SLC27A1: variants seen among roughly 807,000 people sequenced by gnomAD.
The protein encoded by SLC27A1 is long-chain fatty acid transport protein 1.
A neutral mutation model predicts 62.2 loss-of-function variants in SLC27A1; 61 were observed. The observed-to-expected ratio is 0.98, with a 90% CI of 0.80 to 1.21. The LOEUF (loss-of-function observed/expected upper bound fraction) is 1.21. Among genes scored for constraint, SLC27A1 ranks in the 50% most tolerant of loss-of-function variants. SLC27A1 has a pLI of 0.00. For missense variants in SLC27A1, 903 were observed against 932.1 expected, an observed-to-expected ratio of 0.97 and a Z score of 0.41; for synonymous variants, 435 against 408.6, an observed-to-expected ratio of 1.06 and a Z score of -0.78.
At chr19:17,489,163 G>C in intron 6 of SLC27A1, 46 bp downstream of exon 6, 2 of 1,525,054 alleles carry the variant, frequency 1.3e-6, no homozygotes, top group Non-Finnish European at 1.8e-6. Context: ...CTCCCAGCCA[G>C]GCCTCACCCC....
At position 17,486,474 on chromosome 19, in the gene SLC27A1, C is replaced by T. The variant is rs1220704373; in HGVS notation, c.168-89C>T. On this transcript the variant is annotated intron_variant, in intron 1 of 11. Coordinates refer to ENST00000252595, the MANE Select transcript of SLC27A1 (RefSeq NM_198580.3). The surrounding 1 kb of genome is among the most constrained non-coding windows in gnomAD (Gnocchi z 6.6). ...GACCTCATCAAAGCCCCTGGCTGCC[C>T]TGGGGTCCTCCAGCGGGGAGGCTGA... The T allele has an allele frequency of 1.4e-6, 2 of 1,437,402 alleles. No homozygotes were observed. The highest frequency in any genetic ancestry group is 1.8e-6 in the Non-Finnish European group (2 of 1,086,336). The allele number at this position is 1,437,402 out of a possible 1,614,324, so 89.0% of individuals were successfully genotyped here.
chr19:17,473,624 G>A (rs2144540367), intron 1 of SLC27A1, among the ~76,000 whole-genome samples: 1 of 152,326 alleles, frequency 6.6e-6, no homozygotes, highest in Middle Eastern at 3.4e-3. Context: ...CACTTTGGGA[G>A]GCCGAAGCGG....
At chr19:17,487,135 G>C in intron 2 of SLC27A1, 39 bp from the exon 3 acceptor site, 1 of 1,613,080 alleles carries the variant, frequency 6.2e-7, no homozygotes, top group South Asian at 1.1e-5. Flanking sequence ...GAGGGGGCCT[G>C]TCCGGCGGTG....
At chr19:17,493,445 A>C (rs1568419957) in intron 6 of SLC27A1, among the ~76,000 whole-genome samples, 1 of 151,582 alleles carries the variant, frequency 6.6e-6, no homozygotes, top group South Asian at 2.1e-4. Flanking sequence ...AAAAAAAAAA[A>C]AAAACAGGAC....
At chr19:17,500,245 C>G in intron 7 of SLC27A1, 33 bp from the exon 8 acceptor site, 2 of 1,606,272 alleles carry the variant, frequency 1.2e-6, no homozygotes, top group African/African-American at 2.7e-5. Context: ...CGCATATCCC[C>G]GGCTCCTTCC....
rs2075456596 is a variant in SLC27A1 at position 17,504,636 on chromosome 19, ACT to A, written c.*27_*28del. The A allele has an allele frequency of 6.2e-7, 1 of 1,613,296 alleles. No homozygotes were observed. The highest frequency in any genetic ancestry group is 8.5e-7 in the Non-Finnish European group (1 of 1,179,772). On this transcript the variant is annotated 3_prime_UTR_variant, in exon 12 of 12. Transcript: ENST00000252595. Reference sequence around the variant, plus strand: ...GAAGCTGTTCCTCTACTGGCCACAAACTCTGGGCCTGGTGGGAGAGGCCAGCT... The same window carrying A: ...GAAGCTGTTCCTCTACTGGCCACAAACTGGGCCTGGTGGGAGAGGCCAGCT...
intron 1 of SLC27A1, among the ~76,000 whole-genome samples, chr19:17,477,234 GCA>G (rs1256957028): frequency 5.3e-5 from 5 of 94,996 alleles, no homozygotes; most frequent in African/African-American, 1.8e-4. Context: ...GAATGGATGA[GCA>G]GCGCTTTTTT....
chr19:17,474,712 C>T (rs1266244252), intron 1 of SLC27A1, among the ~76,000 whole-genome samples: 1 of 150,696 alleles, frequency 6.6e-6, no homozygotes, highest in African/African-American at 2.4e-5. Flanking sequence ...CTCACCGCAA[C>T]CTCCGCCTCC....
At chr19:17,472,761 A>G (rs1368569352) in intron 1 of SLC27A1, among the ~76,000 whole-genome samples, 1 of 152,042 alleles carries the variant, frequency 6.6e-6, no homozygotes, top group East Asian at 1.9e-4. Context: ...TCCTGACATC[A>G]CGTAGTCCGC....
In SLC27A1 at chr19:17,489,113, G is replaced by C. The variant is rs1249767868; in HGVS notation, c.992G>C (p.Cys331Ser). ...RFWDDCIKYN[C>S]TVVQYIGEIC... ...TGGGACGACTGCATCAAGTACAACT[G>C]CACGGTCAGGCCCTGCCCTGTTCTG... Residue 331 changes from cysteine to serine, a missense_variant, in exon 6 of 12, where the codon TGC (cysteine) becomes TCC (serine). Transcript: ENST00000252595. 1.9e-6 allele frequency: 3 copies of C among 1,613,870 alleles called. No individual in the cohort carries two copies. Among genetic ancestry groups the C allele is most frequent in the Non-Finnish European group, 2.5e-6 (3 of 1,179,874 alleles).
rs1175394305 is a variant in SLC27A1 at position 17,502,335 on chromosome 19, GT to G, written c.1783+924del. On this transcript the variant is annotated intron_variant, in intron 11 of 11. Transcript: ENST00000252595. ...CTGCCACTAAGCATTCTGAAATAGTGTTTTTTTTGTTTTTTTTTTTTTTTTT... is the reference window on the plus strand; with the variant it reads ...CTGCCACTAAGCATTCTGAAATAGTGTTTTTTTGTTTTTTTTTTTTTTTTT... Among the ~76,000 whole-genome samples the G allele has an allele frequency of 1.2e-3, 90 of 75,890 alleles. 2 individuals carry two copies. The highest frequency in any genetic ancestry group is 1.5e-3 in the Non-Finnish European group (60 of 40,066). The allele number at this position is 75,890 out of a possible 152,430, so 49.8% of individuals were successfully genotyped here.
chr19:17,476,716 CA>C (rs1170481646), intron 1 of SLC27A1, among the ~76,000 whole-genome samples: 1 of 151,942 alleles, frequency 6.6e-6, no homozygotes, highest in African/African-American at 2.4e-5. Context: ...GTTCTGTCCT[CA>C]AATTGCTCTG....
chr19:17,470,226 A>G (rs945534436), upstream of SLC27A1, among the ~76,000 whole-genome samples: 1 of 151,290 alleles, frequency 6.6e-6, no homozygotes, highest in Non-Finnish European at 1.5e-5. Flanking sequence ...AAAATATGGA[A>G]TAGAGCGGAC....
chr19:17,488,708 G>T (rs1020028238), intron 4 of SLC27A1, 140 bp from the exon 5 acceptor site: 2 of 693,032 alleles, frequency 2.9e-6, no homozygotes, highest in Admixed American at 2.3e-5. Flanking sequence ...TTGGTTGCGT[G>T]TTTCCTTCCT....
rs755187978 is a variant in SLC27A1 at position 17,470,530 on chromosome 19, G to A, written c.-11G>A. On this transcript the variant is annotated 5_prime_UTR_variant, in exon 1 of 12. Coordinates refer to ENST00000252595, the MANE Select transcript of SLC27A1 (RefSeq NM_198580.3). ...GCGGCCCGCGGCCTCAGCTCTCTCT[G>A]CTTCCCCAGGATGCGGGCTCCGGGT... 1.3e-6 allele frequency: 2 copies of A among 1,544,954 alleles called. No individual in the cohort carries two copies. The highest frequency in any genetic ancestry group is 1.7e-6 in the Non-Finnish European group (2 of 1,154,674).
intron 7 of SLC27A1, chr19:17,499,301 C>T (rs1713866177): frequency 6.5e-6 from 1 of 153,534 alleles, no homozygotes; most frequent in African/African-American, 2.4e-5. Flanking sequence ...CTCACTGTGT[C>T]CCCTCAGCTC....
chr19:17,473,687 C>A (rs1428335777), intron 1 of SLC27A1, among the ~76,000 whole-genome samples: 1 of 152,266 alleles, frequency 6.6e-6, no homozygotes, highest in Non-Finnish European at 1.5e-5. Context: ...CGTGGCGAAG[C>A]CTTGTCTCTA....
At chr19:17,484,791 C>T (rs190880394) in intron 1 of SLC27A1, among the ~76,000 whole-genome samples, 204 of 152,324 alleles carry the variant, frequency 1.3e-3, no homozygotes, top group African/African-American at 4.7e-3. Flanking sequence ...CTGAAGTCCA[C>T]TGTGAACATT....
At chr19:17,498,727 C>A in intron 7 of SLC27A1, 1 of 203,360 alleles carries the variant, frequency 4.9e-6, no homozygotes, top group Non-Finnish European at 9.7e-6. Context: ...CTGTTATTTA[C>A]TGGATACAAA....
Sources: gnomAD v4.1 joint callset for allele counts (sites outside exome capture counted in the v4.1 genomes callset) on GRCh38, gnomAD v4.1.1 for gene constraint, Gnocchi (gnomAD v3.1) non-coding constraint, MANE v1.5 for transcripts, NCBI Gene and HGNC (gene_info 2026-07-23, HGNC 2026-07-21) for gene names.